The following VLDLR variants were observed in gnomAD, a reference collection of about 807,000 sequenced individuals.
The protein encoded by VLDLR is very low-density lipoprotein receptor.
VLDLR carries 81 observed loss-of-function variants against 112.7 expected under a neutral mutation model. The observed-to-expected ratio is 0.72, with a 90% CI of 0.60 to 0.86. VLDLR has a LOEUF of 0.86. Ranked by LOEUF, VLDLR falls within the 40% of genes least tolerant of loss-of-function variation. The probability of loss-of-function intolerance (pLI) is 0.00; values close to 1 mark genes in which losing one functional copy is unlikely to be tolerated. For missense variants in VLDLR, 1,237 were observed against 1,099.4 expected, an observed-to-expected ratio of 1.13 and a Z score of -1.77; for synonymous variants, 436 against 384.8, an observed-to-expected ratio of 1.13 and a Z score of -1.56.
intron 2 of VLDLR, among the ~76,000 whole-genome samples, chr9:2,639,197 G>A (rs144379291): frequency 6.6e-6 from 1 of 152,214 alleles, no homozygotes; most frequent in Non-Finnish European, 1.5e-5. Context: ...CCTGCCAGTA[G>A]ATCTGATATC....
intron 6 of VLDLR, 38 bp downstream of exon 6, chr9:2,643,788 T>C: frequency 6.2e-7 from 1 of 1,614,220 alleles, no homozygotes; most frequent in Non-Finnish European, 8.5e-7. Context: ...AATGGATTGC[T>C]CTGACCAGAC....
In VLDLR at chr9:2,639,947, C is replaced by T. The variant is rs750584489; in HGVS notation, c.291C>T (p.Cys97=). The change falls in exon 3 of 19, where the codon TGC becomes TGT. Residue 97 remains cysteine (C), a synonymous_variant. Coordinates refer to ENST00000382100, the MANE Select transcript of VLDLR (RefSeq NM_003383.5). The part of the protein sequence containing the change: ...SRWKCDGDPD[C]EDGSDESPEQ... ...GGAAGTGTGATGGAGATCCTGACTG[C>T]GAAGATGGTTCAGATGAAAGCCCAG... is the stretch of plus-strand genomic sequence containing the variant. 2.9e-5 allele frequency: 47 copies of T among 1,614,170 alleles called. No homozygotes were observed. Among genetic ancestry groups the T allele is most frequent in the South Asian group, 1.6e-4 (15 of 91,076 alleles).
intron 1 of VLDLR, among the ~76,000 whole-genome samples, chr9:2,624,278 G>C (rs62533760): frequency 0.011 from 1,748 of 152,340 alleles, 10 homozygotes; most frequent in Middle Eastern, 0.024. Context: ...GGCTGAGGCA[G>C]TTATTGACCC....
chr9:2,652,986 AAG>A, intron 18 of VLDLR, 37 bp downstream of exon 18: 1 of 1,613,522 alleles, frequency 6.2e-7, no homozygotes, highest in Non-Finnish European at 8.5e-7. Context: ...CCATGGCTTG[AAG>A]TGAGACTTTT....
In VLDLR at chr9:2,635,481, A is replaced by G; in HGVS notation, c.111A>G (p.Gln37=). 1 of 1,614,136 alleles carries G rather than the reference A, an allele frequency of 6.2e-7. No homozygotes were observed. Among genetic ancestry groups the G allele is most frequent in the Non-Finnish European group, 8.5e-7 (1 of 1,179,988 alleles). The change falls in exon 2 of 19, where the codon CAA becomes CAG. Residue 37 remains glutamine (Q), a synonymous_variant. Coordinates refer to ENST00000382100, the MANE Select transcript of VLDLR (RefSeq NM_003383.5). ...TGRKAKCEPS[Q]FQCTNGRCIT... ...GAAAAGCCAAATGTGAACCCTCCCA[A>G]TTCCAGTGCACAAATGGTCGCTGTA...
rs1364801739 is a variant in VLDLR at position 2,622,295 on chromosome 9, C to T, written c.82+24C>T. On this transcript the variant is annotated intron_variant, in intron 1 of 18. Coordinates refer to ENST00000382100, the MANE Select transcript of VLDLR (RefSeq NM_003383.5). ...CGGTGAGTGAGGACGCGCCCCTCCG[C>T]CGGCGGGCGGGACCCAGCCGGGGCA... 4.1e-6 allele frequency: 6 copies of T among 1,455,772 alleles called. No individual in the cohort carries two copies. The Admixed American group carries it at 1.2e-4, about 29-fold the overall frequency. The allele number at this position is 1,455,772 out of a possible 1,614,324, so 90.2% of individuals were successfully genotyped here.
intron 12 of VLDLR, chr9:2,647,847 C>T: frequency 1.7e-6 from 1 of 591,954 alleles, no homozygotes; most frequent in Non-Finnish European, 3.0e-6. Context: ...GTCTTGGGTG[C>T]ACTCATACTA....
chr9:2,645,278 TATG>T (rs1818018122), intron 9 of VLDLR, among the ~76,000 whole-genome samples, 196 bp downstream of exon 9: 1 of 152,204 alleles, frequency 6.6e-6, no homozygotes, highest in South Asian at 2.1e-4. Flanking sequence ...TCCTTTTGCA[TATG>T]ATACCATGAA....
intron 1 of VLDLR, among the ~76,000 whole-genome samples, chr9:2,631,324 A>C (rs1817340908): frequency 6.6e-6 from 1 of 152,232 alleles, no homozygotes; most frequent in Non-Finnish European, 1.5e-5. Flanking sequence ...GTATCTACCC[A>C]AAGGAAAAAT....
At position 2,645,571 on chromosome 9, in the gene VLDLR, C is replaced by T. The variant is rs1563761174; in HGVS notation, c.1313-3C>T. 1.2e-6 allele frequency: 2 copies of T among 1,614,214 alleles called. No homozygotes were observed. Among genetic ancestry groups the T allele is most frequent in the Non-Finnish European group, 1.7e-6 (2 of 1,180,026 alleles). On this transcript the variant is annotated splice_polypyrimidine_tract_variant and splice_region_variant and intron_variant, in intron 9 of 18. Coordinates refer to ENST00000382100, the MANE Select transcript of VLDLR (RefSeq NM_003383.5). The stretch of plus-strand genomic sequence containing the variant: ...CTAAGTAACCCAGACTTCCATCTTG[C>T]AGGCAAAGAGCCAAGTCTGATCTTC...
Position 2,643,378 on chromosome 9 carries a change from G to T in VLDLR, c.667G>T (p.Asp223Tyr), listed in dbSNP as rs770090400. The change falls in exon 5 of 19, where the codon GAT becomes TAT. Residue 223 changes from aspartate (D) to tyrosine (Y), a missense_variant. Coordinates refer to ENST00000382100, the MANE Select transcript of VLDLR (RefSeq NM_003383.5). ...TGATGCAGACTGCTCCGACCAATCTGATGAGTCCCTGGAGCAGTGTGGCCG... is the reference window on the plus strand; with the variant it reads ...TGATGCAGACTGCTCCGACCAATCTTATGAGTCCCTGGAGCAGTGTGGCCG... Reference protein sequence around the residue: ...DDDADCSDQSDESLEQCGRQP... With the variant: ...DDDADCSDQSYESLEQCGRQP... The T allele has an allele frequency of 6.2e-7, 1 of 1,614,156 alleles. No individual in the cohort carries two copies. The highest frequency in any genetic ancestry group is 1.3e-5 in the African/African-American group (1 of 75,046).
rs2130820358 is a variant in VLDLR at position 2,657,332 on chromosome 9, A to G, written c.*3464A>G. On this transcript the variant is annotated 3_prime_UTR_variant, in exon 19 of 19. Transcript: ENST00000382100. ...GCAAAAACTTGCAAAAAGCAGATAT[A>G]CTTTTGCTAATTTAAGTTGAAGTAC... The G allele has an allele frequency of 6.6e-6, 1 of 152,320 alleles. No homozygotes were observed. The highest frequency in any genetic ancestry group is 2.1e-4 in the South Asian group (1 of 4,812). 9.4% of individuals were successfully genotyped at this position (152,320 alleles called of 1,614,324 possible).
intron 1 of VLDLR, 29 bp downstream of exon 1, chr9:2,622,300 G>A: frequency 6.9e-7 from 1 of 1,446,162 alleles, no homozygotes; most frequent in Non-Finnish European, 9.1e-7. Flanking sequence ...CTCCGCCGGC[G>A]GGCGGGACCC....
Position 2,651,857 on chromosome 9 carries a change from C to G in VLDLR, c.2336-17C>G, listed in dbSNP as rs1818365131. 1 of 1,613,934 alleles carries G rather than the reference C, an allele frequency of 6.2e-7. No individual in the cohort carries two copies. Among genetic ancestry groups the G allele is most frequent in the African/African-American group, 1.3e-5 (1 of 75,018 alleles). The stretch of plus-strand genomic sequence containing the variant: ...AATACAGATCCTTCTAAACTGATTC[C>G]TTTTATTCCTCTGTAGGGATCAATG... On this transcript the variant is annotated splice_polypyrimidine_tract_variant and intron_variant, in intron 16 of 18. Transcript: ENST00000382100.
In VLDLR at chr9:2,643,455, T is replaced by C. The variant is rs1817918422; in HGVS notation, c.744T>C (p.Ser248=). ...KCPASEIQCG[S]GECIHKKWRC... ...CAGCCAGCGAAATCCAGTGCGGCTC[T>C]GGCGAGTGCATCCATAAGAAGTGGC... Residue 248 remains serine, a synonymous_variant, in exon 5 of 19, where the codon TCT becomes TCC. Transcript: ENST00000382100. 6.2e-7 allele frequency: 1 copy of C among 1,614,100 alleles called. No homozygotes were observed. The highest frequency in any genetic ancestry group is 1.3e-5 in the African/African-American group (1 of 74,936).
chr9:2,644,325 A>ATTTTTTTTTTTT (rs374242751), intron 7 of VLDLR, among the ~76,000 whole-genome samples: 5 of 122,956 alleles, frequency 4.1e-5, no homozygotes, highest in Admixed American at 8.7e-5. Flanking sequence ...CGCCCGGCTA[A>ATTTTTTTTTTTT]TTTTTTTTTT....
chr9:2,635,321 A>G lies in VLDLR; in HGVS notation c.83-132A>G, dbSNP rs953752945. 3.6e-6 allele frequency: 5 copies of G among 1,379,358 alleles called. No homozygotes were observed. In the African/African-American group the frequency reaches 4.3e-5, roughly 12 times the overall value. The allele number at this position is 1,379,358 out of a possible 1,614,324, so 85.4% of individuals were successfully genotyped here. A position where few individuals can be genotyped will look rare whatever the true frequency, so the allele number is the denominator to read the frequency against. ...CAGTCACTGGCTGAAGAGCCATCCT[A>G]CTCTGGCCCTTAGGATGTCATAGCC... On this transcript the variant is annotated intron_variant, in intron 1 of 18. Transcript: ENST00000382100.
rs775977267 is a variant in VLDLR, at chr9:2,642,459, T to C, written c.449-701T>C. The stretch of plus-strand genomic sequence containing the variant: ...TGCTGCCAAGTGTTTCCCTTATAAA[T>C]CTAGACTTTGCTTCCCAAGAGAGTC... On this transcript the variant is annotated intron_variant, in intron 4 of 18. Coordinates refer to ENST00000382100, the MANE Select transcript of VLDLR (RefSeq NM_003383.5). Among the ~76,000 whole-genome samples, 19 of 152,314 alleles carry C rather than the reference T, an allele frequency of 1.2e-4. No individual in the cohort carries two copies. In the South Asian group the frequency reaches 2.7e-3, roughly 22 times the overall value.
At chr9:2,639,379 C>T (rs1418932832) in intron 2 of VLDLR, among the ~76,000 whole-genome samples, 1 of 152,138 alleles carries the variant, frequency 6.6e-6, no homozygotes, top group Non-Finnish European at 1.5e-5. Context: ...GGCCCTACCT[C>T]CTAATAACAT....
Sources: allele counts gnomAD v4.1 joint callset (sites outside exome capture counted in the v4.1 genomes callset), GRCh38; gene constraint gnomAD v4.1.1; transcripts MANE v1.5; gene names NCBI Gene and HGNC (gene_info 2026-07-23, HGNC 2026-07-21).